Variants in TSNARE1 observed in about 807,000 individuals in gnomAD.
TSNARE1 encodes t-SNARE domain containing 1, also known as t-SNARE domain-containing protein 1.
TSNARE1 carries 49 observed loss-of-function variants against 62.0 expected under a neutral mutation model. The observed-to-expected ratio is 0.79, with a 90% CI of 0.63 to 1.00. The LOEUF is 1.00. Ranked by LOEUF, TSNARE1 falls within the 50% of genes least tolerant of loss-of-function variation. The pLI, the probability that TSNARE1 is intolerant of heterozygous loss-of-function variation, is 0.00. For missense variants in TSNARE1, 755 were observed against 700.1 expected (o/e 1.08, Z -0.88); for synonymous variants, 328 against 294.4 (o/e 1.11, Z -1.17).
At chr8:142,361,571 C>T (rs1835165404) in intron 1 of TSNARE1, among the ~76,000 whole-genome samples, 1 of 152,212 alleles carries the variant, frequency 6.6e-6, no homozygotes. Context: ...CCTGCGGACC[C>T]AGTGTGGCTG....
chr8:142,282,646 G>GTGTCTGTCAATGAGCGGAGGTGGGGCCAC (rs1821789495), intron 11 of TSNARE1, among the ~76,000 whole-genome samples: 1 of 95,760 alleles, frequency 1.0e-5, no homozygotes, highest in Non-Finnish European at 2.0e-5. Context: ...GGCGGGGCCA[G>GTGTCTGTCAATGAGCGGAGGTGGGGCCAC]TGTCTGTCAA....
At position 142,377,022 on chromosome 8, in the gene TSNARE1, T is replaced by A. The variant is rs142798715; in HGVS notation, c.-39-22259A>T. 1.2e-4 allele frequency among the ~76,000 whole-genome samples: 18 copies of A among 152,250 alleles called. No homozygotes were observed. In the East Asian group the frequency reaches 3.5e-3, roughly 29 times the overall value. Reference sequence around the variant, plus strand: ...CCCACACCTCAGGCCTGCCCTCCTGTCCCATCTCTCTGCTGTGCCCACCCT... The same window carrying A: ...CCCACACCTCAGGCCTGCCCTCCTGACCCATCTCTCTGCTGTGCCCACCCT... On this transcript the variant is annotated intron_variant, in intron 1 of 13. Transcript: ENST00000524325.
intron 13 of TSNARE1, among the ~76,000 whole-genome samples, chr8:142,221,736 TTCACTCAC>T (rs1204598150): frequency 1.1e-4 from 3 of 27,622 alleles, no homozygotes; most frequent in African/African-American, 3.8e-4. Flanking sequence ...CACTCACTCA[TTCACTCAC>T]TCACTCACTC....
At chr8:142,274,684 G>A in intron 12 of TSNARE1, 97 bp downstream of exon 12, 1 of 1,382,208 alleles carries the variant, frequency 7.2e-7, no homozygotes, top group Non-Finnish European at 9.4e-7. Context: ...CAGGCACAGG[G>A]CAGGGCCTGG....
At chr8:142,321,226 A>C (rs1212203703) in intron 6 of TSNARE1, among the ~76,000 whole-genome samples, 2 of 152,178 alleles carry the variant, frequency 1.3e-5, no homozygotes, top group African/African-American at 4.8e-5. Flanking sequence ...TCCCAATAAA[A>C]GGCCCAGAGG....
chr8:142,295,976 T>C (rs1346473336), intron 10 of TSNARE1, among the ~76,000 whole-genome samples: 4 of 98,498 alleles, frequency 4.1e-5, no homozygotes, highest in Admixed American at 3.5e-4. Flanking sequence ...TCATCAGGGA[T>C]GGGCCGGCCA....
intron 12 of TSNARE1, among the ~76,000 whole-genome samples, chr8:142,260,512 C>A (rs570131322): frequency 1.7e-4 from 26 of 152,278 alleles, no homozygotes; most frequent in Admixed American, 1.2e-3. Context: ...TATCAGCTAA[C>A]CTTGCCCTTT....
chr8:142,280,058 TC>T, intron 11 of TSNARE1: 1 of 1,236,480 alleles, frequency 8.1e-7, no homozygotes, highest in Admixed American at 3.0e-5. Context: ...CCCAGCGCGT[TC>T]ACTGCCTGCA....
intron 7 of TSNARE1, among the ~76,000 whole-genome samples, chr8:142,317,933 G>C (rs1828836443): frequency 6.6e-6 from 1 of 152,140 alleles, no homozygotes; most frequent in Non-Finnish European, 1.5e-5. Context: ...ACTTCAGCCT[G>C]GGAGACAGAG....
chr8:142,397,507 G>A (rs1324907765), intron 1 of TSNARE1, among the ~76,000 whole-genome samples: 1 of 152,214 alleles, frequency 6.6e-6, no homozygotes, highest in Non-Finnish European at 1.5e-5. Flanking sequence ...CGGCTAAGAT[G>A]TGGCAATGCT....
Position 142,237,229 on chromosome 8 carries a change from C to G in TSNARE1, c.1447-7650G>C, listed in dbSNP as rs138919738. 5.1e-3 allele frequency among the ~76,000 whole-genome samples: 778 copies of G among 152,320 alleles called. 5 individuals carry two copies. The highest frequency in any genetic ancestry group is 0.018 in the African/African-American group (747 of 41,582). On this transcript the variant is annotated intron_variant, in intron 12 of 13. Coordinates refer to ENST00000524325, the MANE Select transcript of TSNARE1 (RefSeq NM_145003.5). ...CCTGCTTCTCCCTGCGTGGACCACTCTCTCCCTGGAGGGGCTGAGGCTTCC... is the reference window on the plus strand; with the variant it reads ...CCTGCTTCTCCCTGCGTGGACCACTGTCTCCCTGGAGGGGCTGAGGCTTCC...
At chr8:142,232,754 G>A (rs185626875) in intron 12 of TSNARE1, among the ~76,000 whole-genome samples, 160 of 152,368 alleles carry the variant, frequency 1.1e-3, no homozygotes, top group Non-Finnish European at 1.4e-3. Flanking sequence ...GGCGATGACA[G>A]GCAGGGCCCA....
chr8:142,258,330 C>T (rs112756112), intron 12 of TSNARE1, among the ~76,000 whole-genome samples: 33 of 152,302 alleles, frequency 2.2e-4, no homozygotes, highest in African/African-American at 6.7e-4. Context: ...TGTAAATGCA[C>T]GCACCCGCCC....
At chr8:142,352,989 C>T (rs1834304937) in intron 2 of TSNARE1, among the ~76,000 whole-genome samples, 1 of 152,126 alleles carries the variant, frequency 6.6e-6, no homozygotes. Flanking sequence ...TAAAATAGAT[C>T]AAGCAGCTGA....
intron 2 of TSNARE1, among the ~76,000 whole-genome samples, chr8:142,348,397 T>C (rs1291669774): frequency 6.6e-6 from 1 of 152,188 alleles, no homozygotes; most frequent in African/African-American, 2.4e-5. Context: ...TGAACACCTC[T>C]GCCCGTGTGT....
intron 11 of TSNARE1, chr8:142,276,064 C>T: frequency 1.0e-6 from 1 of 985,436 alleles, no homozygotes; most frequent in Non-Finnish European, 1.2e-6. Flanking sequence ...TCCACCCCAC[C>T]CTTGCCCCCA....
intron 1 of TSNARE1, among the ~76,000 whole-genome samples, chr8:142,399,020 C>G (rs1156699485): frequency 6.6e-6 from 1 of 152,194 alleles, no homozygotes; most frequent in Non-Finnish European, 1.5e-5. Flanking sequence ...CTTCTGAGGA[C>G]AGCCCTGGAT....
intron 10 of TSNARE1, among the ~76,000 whole-genome samples, chr8:142,295,124 T>C (rs1824463037): frequency 6.6e-6 from 1 of 152,146 alleles, no homozygotes; most frequent in Admixed American, 6.5e-5. Context: ...AGACAGGCAA[T>C]GTTCCGGGAC....
chr8:142,332,135 G>A (rs913041362), intron 4 of TSNARE1, among the ~76,000 whole-genome samples: 5 of 152,228 alleles, frequency 3.3e-5, no homozygotes, highest in Non-Finnish European at 7.3e-5. Flanking sequence ...CGGAAGCTAC[G>A]AGCACCTGCA....
Sources: gnomAD v4.1 joint callset for allele counts (sites outside exome capture counted in the v4.1 genomes callset) on GRCh38, gnomAD v4.1.1 for gene constraint, MANE v1.5 for transcripts, NCBI Gene and HGNC (gene_info 2026-07-23, HGNC 2026-07-21) for gene names.